LRRTM4: variants seen among roughly 807,000 people sequenced by gnomAD.
LRRTM4 encodes leucine-rich repeat transmembrane neuronal protein 4.
Under a neutral mutation model 47.6 loss-of-function variants are expected in LRRTM4, and 25 were observed. The ratio of observed to expected loss-of-function variants is 0.53; its 90% CI spans 0.38 to 0.73. LRRTM4 has a LOEUF of 0.73. Among genes scored for constraint, LRRTM4 ranks in the 30% least tolerant of loss-of-function variants. The pLI, the probability that LRRTM4 is intolerant of heterozygous loss-of-function variation, is 0.00. For missense variants in LRRTM4, 638 were observed against 713.4 expected, an observed-to-expected ratio of 0.89 and a Z score of 1.20; for synonymous variants, 311 against 269.5, an observed-to-expected ratio of 1.15 and a Z score of -1.51.
intron 3 of LRRTM4, among the ~76,000 whole-genome samples, chr2:77,139,231 T>C (rs889487169): frequency 6.6e-6 from 1 of 152,002 alleles, no homozygotes; most frequent in Non-Finnish European, 1.5e-5. Flanking sequence ...CTCAATAAAA[T>C]ACTGGCAAAC....
At chr2:77,043,932 C>G (rs929225005) in intron 3 of LRRTM4, among the ~76,000 whole-genome samples, 1 of 151,274 alleles carries the variant, frequency 6.6e-6, no homozygotes, top group Non-Finnish European at 1.5e-5. Context: ...TACCCACATA[C>G]TAGAATAGCA....
At chr2:76,948,898 T>G (rs1363238524) in intron 3 of LRRTM4, among the ~76,000 whole-genome samples, 1 of 151,834 alleles carries the variant, frequency 6.6e-6, no homozygotes, top group Non-Finnish European at 1.5e-5. Context: ...GAATATACAT[T>G]TGGTGGATTT....
intron 3 of LRRTM4, among the ~76,000 whole-genome samples, chr2:76,780,112 G>C (rs1674282078): frequency 6.6e-6 from 1 of 152,130 alleles, no homozygotes; most frequent in East Asian, 1.9e-4. Flanking sequence ...TGGCTTGCAG[G>C]GTTTCTGCCG....
chr2:77,489,257 A>C (rs539066467), intron 3 of LRRTM4, among the ~76,000 whole-genome samples: 30 of 152,288 alleles, frequency 2.0e-4, no homozygotes, highest in African/African-American at 7.2e-4. Context: ...TTGGGAGAAG[A>C]CAGCACATAA....
At chr2:77,318,184 T>A (rs1677674199) in intron 3 of LRRTM4, among the ~76,000 whole-genome samples, 1 of 151,976 alleles carries the variant, frequency 6.6e-6, no homozygotes, top group African/African-American at 2.4e-5. Context: ...TTTTTTGTAT[T>A]TTTAGTAGAG....
rs190905689 is a variant in LRRTM4, at chr2:76,911,914, T to C, written c.1552-162998A>G. 3.3e-3 allele frequency among the ~76,000 whole-genome samples: 397 copies of C among 120,294 alleles called. 3 individuals are homozygous for C. Among genetic ancestry groups the C allele is most frequent in the African/African-American group, 0.012 (373 of 30,988 alleles). 78.9% of individuals were successfully genotyped at this position (120,294 alleles called of 152,430 possible). ...CCCTACTAACATGAATTACAAAGAG[T>C]GAGTTGTGGTATGTGCTTTTTGGGG... On this transcript the variant is annotated intron_variant, in intron 3 of 3. Coordinates refer to ENST00000409884, the MANE Select transcript of LRRTM4 (RefSeq NM_001134745.3).
intron 3 of LRRTM4, among the ~76,000 whole-genome samples, chr2:76,857,487 C>T (rs1454689622): frequency 6.6e-6 from 1 of 151,736 alleles, no homozygotes; most frequent in African/African-American, 2.4e-5. Flanking sequence ...TTTGGGGGAA[C>T]AAAAAGTTAT....
At chr2:77,212,533 C>T (rs1674324703) in intron 3 of LRRTM4, among the ~76,000 whole-genome samples, 1 of 146,434 alleles carries the variant, frequency 6.8e-6, no homozygotes, top group Non-Finnish European at 1.5e-5. Flanking sequence ...ATGTATATAT[C>T]ATGAGTTAAT....
intron 3 of LRRTM4, among the ~76,000 whole-genome samples, chr2:76,893,057 CAA>C (rs5832261): frequency 0.012 from 1,647 of 138,304 alleles, 32 homozygotes; most frequent in African/African-American, 0.04. Context: ...AGAAAACAAG[CAA>C]AAAAAAAAAA....
intron 3 of LRRTM4, among the ~76,000 whole-genome samples, chr2:77,106,968 A>G (rs1332721864): frequency 6.6e-6 from 1 of 152,004 alleles, no homozygotes; most frequent in Non-Finnish European, 1.5e-5. Context: ...AAAAGAAACT[A>G]TATGTAAGAA....
chr2:77,371,126 G>A (rs562349995), intron 3 of LRRTM4, among the ~76,000 whole-genome samples: 55 of 151,828 alleles, frequency 3.6e-4, no homozygotes, highest in Non-Finnish European at 6.8e-4. Context: ...TTACATATGT[G>A]AATGTACCAT....
At chr2:76,788,490 G>C (rs73940058) in intron 3 of LRRTM4, among the ~76,000 whole-genome samples, 3 of 152,202 alleles carry the variant, frequency 2.0e-5, no homozygotes, top group Non-Finnish European at 4.4e-5. Context: ...CAAAGATACA[G>C]AGTGTAATGC....
At chr2:76,884,407 T>C (rs545107334) in intron 3 of LRRTM4, among the ~76,000 whole-genome samples, 2 of 152,292 alleles carry the variant, frequency 1.3e-5, no homozygotes, top group South Asian at 4.1e-4. Flanking sequence ...ATATTGTGTA[T>C]AATGTTGAAA....
intron 3 of LRRTM4, among the ~76,000 whole-genome samples, chr2:76,816,011 G>T (rs1670886309): frequency 2.0e-5 from 3 of 151,782 alleles, no homozygotes; most frequent in Admixed American, 6.6e-5. Context: ...GGGAGGTATT[G>T]GAATTCCTTA....
intron 3 of LRRTM4, among the ~76,000 whole-genome samples, chr2:77,457,733 G>A (rs187033271): frequency 9.1e-4 from 138 of 152,028 alleles, no homozygotes; most frequent in African/African-American, 3.2e-3. Context: ...ATACAATTTG[G>A]TTCTGTCCCT....
At chr2:76,997,066 T>TA (rs1030126374) in intron 3 of LRRTM4, among the ~76,000 whole-genome samples, 1 of 152,080 alleles carries the variant, frequency 6.6e-6, no homozygotes, top group African/African-American at 2.4e-5. Flanking sequence ...CAGAGCTAGA[T>TA]TTTTTTAGAT....
chr2:76,781,625 C>G (rs563908032), intron 3 of LRRTM4, among the ~76,000 whole-genome samples: 2 of 152,236 alleles, frequency 1.3e-5, no homozygotes, highest in Non-Finnish European at 1.5e-5. Flanking sequence ...GCGCATGGTG[C>G]GCGCACCCAC....
At chr2:77,247,420 C>T (rs1374133175) in intron 3 of LRRTM4, among the ~76,000 whole-genome samples, 1 of 151,946 alleles carries the variant, frequency 6.6e-6, no homozygotes, top group African/African-American at 2.4e-5. Context: ...TTGTTACATA[C>T]GTGAAAAAAC....
intron 3 of LRRTM4, among the ~76,000 whole-genome samples, chr2:76,944,281 C>T (rs1379180193): frequency 6.6e-6 from 1 of 152,136 alleles, no homozygotes; most frequent in East Asian, 1.9e-4. Flanking sequence ...TATGTCATCT[C>T]CTTCAGTCAG....
Sources: gnomAD v4.1 joint callset for allele counts (sites outside exome capture counted in the v4.1 genomes callset) on GRCh38, gnomAD v4.1.1 for gene constraint, MANE v1.5 for transcripts, NCBI Gene and HGNC (gene_info 2026-07-23, HGNC 2026-07-21) for gene names.